The following MIA2 variants were observed in gnomAD, a reference collection of about 807,000 sequenced individuals.
The protein encoded by MIA2 is MIA SH3 domain ER export factor 2.
MIA2 carries 127 observed loss-of-function variants against 167.8 expected under a neutral mutation model. The ratio of observed to expected loss-of-function variants is 0.76; its 90% confidence interval spans 0.66 to 0.88. MIA2 has a LOEUF of 0.88. Among genes scored for constraint, MIA2 ranks in the 40% least tolerant of loss-of-function variants. The probability of loss-of-function intolerance (pLI) is 0.00; values close to 1 mark genes in which losing one functional copy is unlikely to be tolerated. For missense variants in MIA2, 1,690 were observed against 1,624.7 expected (o/e 1.04, Z -0.69); for synonymous variants, 552 against 541.9 (o/e 1.02, Z -0.26).
downstream of MIA2, among the ~76,000 whole-genome samples, chr14:39,353,154 A>G (rs1012275929): frequency 6.6e-6 from 1 of 152,200 alleles, no homozygotes; most frequent in African/African-American, 2.4e-5. Context: ...ATTTGGGGGT[A>G]TCCACCATCT....
At chr14:39,287,810 C>T (rs567999750) in intron 9 of MIA2, among the ~76,000 whole-genome samples, 59 of 151,990 alleles carry the variant, frequency 3.9e-4, no homozygotes, top group Non-Finnish European at 7.1e-4. Context: ...ATCTGCCCGC[C>T]TCGGCCTCCC....
intron 1 of MIA2, among the ~76,000 whole-genome samples, chr14:39,235,212 T>G (rs1177504372): frequency 1.3e-5 from 2 of 152,032 alleles, no homozygotes; most frequent in African/African-American, 2.4e-5. Context: ...ATTTTTTGTA[T>G]TTTAGTAGAG....
rs775353159 is a variant in MIA2 at position 39,291,018 on chromosome 14, G to A, written c.2131-1G>A. On this transcript the variant is annotated splice_acceptor_variant, in intron 9 of 28. Coordinates refer to ENST00000640607, the MANE Select transcript of MIA2 (RefSeq NM_001329214.4). LOFTEE classifies it high-confidence loss of function. ...TTACTTGTGATGTTGCTTTGTTTCA[G>A]TATGAAGGCTATGAAGTAGAGTCAT... is the stretch of plus-strand genomic sequence containing the variant. 1 of 1,604,700 alleles carries A rather than the reference G, an allele frequency of 6.2e-7. No individual in the cohort carries two copies. Among genetic ancestry groups the A allele is most frequent in the South Asian group, 1.1e-5 (1 of 88,772 alleles).
intron 6 of MIA2, among the ~76,000 whole-genome samples, chr14:39,260,423 A>G (rs559480985): frequency 2.0e-4 from 31 of 152,112 alleles, no homozygotes; most frequent in Admixed American, 1.4e-3. Flanking sequence ...ATGGTATCTC[A>G]TTGTGGTTTT....
At chr14:39,234,991 C>A (rs2053664700) in intron 1 of MIA2, among the ~76,000 whole-genome samples, 1 of 150,272 alleles carries the variant, frequency 6.7e-6, no homozygotes, top group Non-Finnish European at 1.5e-5. Context: ...CATATTTTTT[C>A]TCTCTCAGCA....
intron 9 of MIA2, among the ~76,000 whole-genome samples, chr14:39,281,621 T>G (rs1358722968): frequency 9.4e-6 from 1 of 106,608 alleles, no homozygotes; most frequent in African/African-American, 7.1e-5. Context: ...TTGTTTTGGT[T>G]TTTTTTTTTT....
chr14:39,280,606 AC>A (rs1274987586), intron 9 of MIA2, among the ~76,000 whole-genome samples: 1 of 151,906 alleles, frequency 6.6e-6, no homozygotes, highest in Non-Finnish European at 1.5e-5. Context: ...GGTGGTGGGT[AC>A]CTGTAGTCCC....
chr14:39,247,026 A>T lies in MIA2; in HGVS notation c.452A>T (p.Lys151Ile), dbSNP rs2054348796. 1.9e-6 allele frequency: 3 copies of T among 1,593,348 alleles called. No homozygotes were observed. In the South Asian group the frequency reaches 3.5e-5, roughly 18 times the overall value. ...CCTTATGAAGAAGATAAAGATGAAA[A>T]ATCTAGTATATATGAAAGTGATTTT... The part of the protein sequence containing the change: ...IYPYEEDKDE[K>I]SSIYESDFQI... The change falls in exon 4 of 29, where the codon AAA (lysine) becomes ATA (isoleucine). Residue 151 changes from lysine to isoleucine, a missense_variant. Lys to Ile is a moderately radical substitution (Grantham distance 102). Transcript: ENST00000640607.
chr14:39,315,665 A>C lies in MIA2; in HGVS notation c.3181-18A>C. 6.5e-7 allele frequency: 1 copy of C among 1,537,666 alleles called. No homozygotes were observed. The highest frequency in any genetic ancestry group is 1.2e-5 in the South Asian group (1 of 85,054). The stretch of plus-strand genomic sequence containing the variant: ...GAAAAATAATGGTCAGTAGCATTTT[A>C]ATTACTTTCTTTTTCAGATTATTTC... On this transcript the variant is annotated intron_variant, in intron 20 of 28. Coordinates refer to ENST00000640607, the MANE Select transcript of MIA2 (RefSeq NM_001329214.4).
At chr14:39,318,565 A>G (rs1198578715) in intron 22 of MIA2, among the ~76,000 whole-genome samples, 2 of 152,212 alleles carry the variant, frequency 1.3e-5, no homozygotes, top group Non-Finnish European at 2.9e-5. Flanking sequence ...ACATTATCCA[A>G]TATTAGTTTT....
At chr14:39,256,905 G>A (rs146519607) in intron 6 of MIA2, among the ~76,000 whole-genome samples, 8 of 152,208 alleles carry the variant, frequency 5.3e-5, no homozygotes, top group South Asian at 2.1e-4. Flanking sequence ...GAGCTTTAAC[G>A]GTAATCAAGT....
At chr14:39,280,511 T>G (rs1395190551) in intron 9 of MIA2, among the ~76,000 whole-genome samples, 1 of 151,964 alleles carries the variant, frequency 6.6e-6, no homozygotes, top group Admixed American at 6.6e-5. Flanking sequence ...GGCGGGCAAA[T>G]CACGAGGTCA....
chr14:39,297,691 G>GTGTGTGTGTT (rs1434880963), intron 13 of MIA2, among the ~76,000 whole-genome samples: 1 of 151,758 alleles, frequency 6.6e-6, no homozygotes, highest in South Asian at 2.1e-4. Context: ...GTGTGTGTGT[G>GTGTGTGTGTT]TGTGTGTTTG....
intron 17 of MIA2, 89 bp downstream of exon 17, chr14:39,304,470 G>T: frequency 1.5e-6 from 1 of 685,744 alleles, no homozygotes; most frequent in Non-Finnish European, 2.3e-6. Context: ...AATTAACTTT[G>T]GGAAGATCCA....
In MIA2 at chr14:39,314,887, A is replaced by G. The variant is rs2065103266; in HGVS notation, c.3180+88A>G. On this transcript the variant is annotated intron_variant, in intron 20 of 28. Coordinates refer to ENST00000640607, the MANE Select transcript of MIA2 (RefSeq NM_001329214.4). ...CTGATTTCTTTGAATTGATGCAGGA[A>G]TATAATTACTTGACCAGTTGTATAC... 4 of 1,046,624 alleles carry G rather than the reference A, an allele frequency of 3.8e-6. No individual in the cohort carries two copies. The African/African-American group carries it at 4.8e-5, about 13-fold the overall frequency. 64.8% of individuals were successfully genotyped at this position (1,046,624 alleles called of 1,614,324 possible). A position where few individuals can be genotyped will look rare whatever the true frequency, so the allele number is the denominator to read the frequency against.
chr14:39,355,137 T>C (rs1194852804), downstream of MIA2, among the ~76,000 whole-genome samples: 2 of 150,930 alleles, frequency 1.3e-5, no homozygotes, highest in Admixed American at 1.3e-4. Flanking sequence ...AATCTATAAA[T>C]TACCTTGGGC....
chr14:39,317,245 G>A (rs1390988816), intron 21 of MIA2, among the ~76,000 whole-genome samples: 2 of 152,098 alleles, frequency 1.3e-5, no homozygotes, highest in African/African-American at 4.8e-5. Context: ...AGCTGAATTG[G>A]GATTGGTAGA....
At chr14:39,286,922 C>CA (rs2059904810) in intron 9 of MIA2, among the ~76,000 whole-genome samples, 1 of 151,662 alleles carries the variant, frequency 6.6e-6, no homozygotes. Context: ...GACAGGGTTT[C>CA]ACCATGTTGG....
At chr14:39,354,517 T>C (rs988753211), downstream of MIA2, among the ~76,000 whole-genome samples, 3 of 152,236 alleles carry the variant, frequency 2.0e-5, no homozygotes, top group Admixed American at 2.0e-4. Flanking sequence ...GGTTGCCTGT[T>C]TATTCTGATG....
Sources: allele counts gnomAD v4.1 joint callset (sites outside exome capture counted in the v4.1 genomes callset), GRCh38; gene constraint gnomAD v4.1.1; transcripts MANE v1.5; gene names NCBI Gene and HGNC (gene_info 2026-07-23, HGNC 2026-07-21).